Variants in PCDH15 observed in about 807,000 individuals in gnomAD.
The protein encoded by PCDH15 is protocadherin related 15.
A neutral mutation model predicts 178.5 loss-of-function variants in PCDH15; 129 were observed. The ratio of observed to expected loss-of-function variants is 0.72; its 90% CI spans 0.63 to 0.84. PCDH15 has a LOEUF of 0.84. Among genes scored for constraint, PCDH15 ranks in the 40% least tolerant of loss-of-function variants. PCDH15 has a pLI of 0.00. For synonymous variants in PCDH15, 800 were observed against 732.0 expected (o/e 1.09, Z -1.50); for missense variants, 2,230 against 2,099.9 (o/e 1.06, Z -1.21).
chr10:54,796,178 T>G (rs1011970620), intron 1 of PCDH15, among the ~76,000 whole-genome samples: 1 of 151,856 alleles, frequency 6.6e-6, no homozygotes, highest in African/African-American at 2.4e-5. Context: ...TTTAATTTCA[T>G]TCTCCATGCT....
chr10:54,711,159 T>C (rs951343694), intron 1 of PCDH15, among the ~76,000 whole-genome samples: 1 of 152,000 alleles, frequency 6.6e-6, no homozygotes, highest in Admixed American at 6.6e-5. Flanking sequence ...ACATACTTAA[T>C]AGACCTGAAC....
chr10:55,342,142 T>C lies in PCDH15; in HGVS notation c.-155-175491A>G, dbSNP rs116079077. Among the ~76,000 whole-genome samples the C allele has an allele frequency of 5.6e-3, 848 of 151,810 alleles. 10 individuals are homozygous for C. Among genetic ancestry groups the C allele is most frequent in the African/African-American group, 0.02 (810 of 41,524 alleles). On this transcript the variant is annotated intron_variant, in intron 2 of 5. Transcript: ENST00000613346. The stretch of plus-strand genomic sequence containing the variant: ...ATTTTATTTTCCCTGAATCAATTTT[T>C]TTAATATTTCTTTTTAGTAGCATTG...
At chr10:55,303,792 GTC>G (rs1156357706) in intron 1 of PCDH15, among the ~76,000 whole-genome samples, 44 of 152,088 alleles carry the variant, frequency 2.9e-4, no homozygotes, top group African/African-American at 1.0e-3. Flanking sequence ...AATTGTGCCT[GTC>G]TCTGTTTTTG....
At chr10:55,193,726 A>C (rs1383285086) in intron 1 of PCDH15, among the ~76,000 whole-genome samples, 3 of 151,850 alleles carry the variant, frequency 2.0e-5, no homozygotes, top group African/African-American at 4.8e-5. Context: ...TACTGGAGAT[A>C]TTTGTCTTAA....
At chr10:54,068,170 C>T (rs192256571) in intron 17 of PCDH15, among the ~76,000 whole-genome samples, 1 of 152,082 alleles carries the variant, frequency 6.6e-6, no homozygotes, top group African/African-American at 2.4e-5. Flanking sequence ...GAAGCAAAAG[C>T]AAATACTTTT....
Position 54,056,288 on chromosome 10 carries a change from C to T in PCDH15, c.2220+10469G>A, listed in dbSNP as rs190320647. On this transcript the variant is annotated intron_variant, in intron 18 of 37. Transcript: ENST00000644397. ...CCACTTGAAAATATACAACACATTG[C>T]TGCTAACCACAGTTGCTGTATTAGT... Among the ~76,000 whole-genome samples, 720 of 152,204 alleles carry T rather than the reference C, an allele frequency of 4.7e-3. 7 individuals carry two copies. Among genetic ancestry groups the T allele is most frequent in the Non-Finnish European group, 5.9e-3 (400 of 67,990 alleles).
chr10:54,558,724 G>T (rs1192093847), intron 2 of PCDH15, among the ~76,000 whole-genome samples: 2 of 151,742 alleles, frequency 1.3e-5, no homozygotes, highest in Non-Finnish European at 1.5e-5. Flanking sequence ...CTACTATTTT[G>T]GTATTTCTCC....
At chr10:55,440,321 C>A (rs1258855259) in intron 2 of PCDH15, among the ~76,000 whole-genome samples, 1 of 152,078 alleles carries the variant, frequency 6.6e-6, no homozygotes, top group Non-Finnish European at 1.5e-5. Context: ...TTATATGCAA[C>A]CTTGACACAT....
chr10:54,238,675 T>TCTCTCA (rs1429198518), intron 8 of PCDH15, among the ~76,000 whole-genome samples: 2 of 142,748 alleles, frequency 1.4e-5, no homozygotes, highest in African/African-American at 2.9e-5. Flanking sequence ...TCTCTCTCTC[T>TCTCTCA]CTCACACACA....
In PCDH15 at chr10:53,840,452, A is replaced by T. The variant is rs1451742369; in HGVS notation, c.3851T>A (p.Val1284Asp). The change falls in exon 29 of 38, where the codon GTC becomes GAC. Residue 1284 changes from valine (V) to aspartate (D), a missense_variant. By Grantham distance (152) the Val-to-Asp change is radical. Transcript: ENST00000644397. ...GCGAGCTCCAATGGACTCCACTACG[A>T]CCTTGGCACCAGGAATTTGTTCCTG... ...YVQEQIPGAK[V>D]VVESIGARRH... 2.5e-6 allele frequency: 4 copies of T among 1,614,126 alleles called. No homozygotes were observed. Among genetic ancestry groups the T allele is most frequent in the Non-Finnish European group, 3.4e-6 (4 of 1,179,976 alleles).
intron 14 of PCDH15, among the ~76,000 whole-genome samples, chr10:54,148,713 C>G (rs1008128979): frequency 3.1e-4 from 47 of 152,060 alleles, no homozygotes; most frequent in Admixed American, 3.1e-3. Context: ...ATGACGTCAC[C>G]TTAAGCAAAA....
chr10:54,205,932 G>T (rs12263743), intron 10 of PCDH15, among the ~76,000 whole-genome samples: 2,731 of 152,032 alleles, frequency 0.018, 82 homozygotes, highest in African/African-American at 0.058. Flanking sequence ...TATATTCTTG[G>T]TTGGAAACAA....
chr10:55,208,914 G>A (rs11814178), intron 1 of PCDH15, among the ~76,000 whole-genome samples: 24,423 of 151,940 alleles, frequency 0.16, 2,648 homozygotes, highest in Non-Finnish European at 0.24. Context: ...CAGTATACTT[G>A]GGCAAGTAAA....
chr10:55,437,944 T>C (rs1839085695), intron 2 of PCDH15, among the ~76,000 whole-genome samples: 2 of 151,118 alleles, frequency 1.3e-5, no homozygotes, highest in Admixed American at 1.3e-4. Flanking sequence ...TTCAAGCAGT[T>C]CTCCTGCCTC....
At chr10:54,886,018 T>TTC (rs1008458629) in intron 3 of PCDH15, among the ~76,000 whole-genome samples, 3 of 151,338 alleles carry the variant, frequency 2.0e-5, no homozygotes, top group Admixed American at 6.6e-5. Context: ...CTCACTGTTT[T>TTC]TCTCTCTCTC....
At chr10:54,149,293 T>A (rs1389986156) in intron 14 of PCDH15, among the ~76,000 whole-genome samples, 1 of 152,164 alleles carries the variant, frequency 6.6e-6, no homozygotes, top group Non-Finnish European at 1.5e-5. Context: ...TTGGGGGCTT[T>A]CAAATGATGG....
intron 2 of PCDH15, among the ~76,000 whole-genome samples, chr10:55,364,022 G>A (rs959947988): frequency 2.6e-5 from 4 of 152,080 alleles, no homozygotes; most frequent in African/African-American, 9.7e-5. Context: ...GGAGGTAATT[G>A]AAACATGGGG....
At chr10:55,294,383 A>C (rs571277275) in intron 1 of PCDH15, among the ~76,000 whole-genome samples, 244 of 152,230 alleles carry the variant, frequency 1.6e-3, no homozygotes, top group African/African-American at 5.6e-3. Context: ...TGAACTAAAA[A>C]TGTCAGAATT....
At chr10:54,142,273 C>A (rs1433424849) in intron 14 of PCDH15, among the ~76,000 whole-genome samples, 1 of 152,060 alleles carries the variant, frequency 6.6e-6, no homozygotes, top group East Asian at 1.9e-4. Flanking sequence ...TTAACTAATC[C>A]TTGTGCTGTT....
Sources: allele counts gnomAD v4.1 joint callset (sites outside exome capture counted in the v4.1 genomes callset), GRCh38; gene constraint gnomAD v4.1.1; transcripts MANE v1.5; gene names NCBI Gene and HGNC (gene_info 2026-07-23, HGNC 2026-07-21).